Variants in CDYL2 observed in about 807,000 individuals in gnomAD.
CDYL2 encodes the protein chromodomain Y-like protein 2.
In CDYL2, 23 loss-of-function variants were observed where a neutral mutation model predicts 49.4. That is an observed-to-expected ratio of 0.47 (90% CI 0.34 to 0.66). The LOEUF is 0.66. Among genes scored for constraint, CDYL2 ranks in the 30% least tolerant of loss-of-function variants. The probability of loss-of-function intolerance (pLI) is 0.01; values close to 1 mark genes in which losing one functional copy is unlikely to be tolerated. For synonymous variants in CDYL2, 360 were observed against 268.8 expected (o/e 1.34, Z -3.32); for missense variants, 678 against 656.4 (o/e 1.03, Z -0.36).
intron 4 of CDYL2, among the ~76,000 whole-genome samples, chr16:80,620,332 C>T (rs1460947589): frequency 6.6e-6 from 1 of 152,210 alleles, no homozygotes; most frequent in Non-Finnish European, 1.5e-5. Flanking sequence ...CATCAACCTC[C>T]CCACTGCTGA....
chr16:80,648,063 A>T (rs1908427032), intron 2 of CDYL2, among the ~76,000 whole-genome samples: 1 of 152,288 alleles, frequency 6.6e-6, no homozygotes, highest in Non-Finnish European at 1.5e-5. Context: ...AAAAAGAAGA[A>T]AAACTTCAAA....
At chr16:80,757,395 T>C (rs999709682) in intron 1 of CDYL2, among the ~76,000 whole-genome samples, 2 of 151,768 alleles carry the variant, frequency 1.3e-5, no homozygotes, top group Admixed American at 6.6e-5. Context: ...TAAAAATTAG[T>C]TGTGTGTAGC....
At position 80,652,328 on chromosome 16, in the gene CDYL2, C is replaced by A. The variant is rs117351082; in HGVS notation, c.617-19092G>T. Among the ~76,000 whole-genome samples the A allele has an allele frequency of 6.6e-3, 1,011 of 152,224 alleles. 18 individuals carry two copies. The highest frequency in any genetic ancestry group is 0.038 in the East Asian group (196 of 5,184). The stretch of plus-strand genomic sequence containing the variant: ...GAGTATGTCAAAAGGACACACGAGC[C>A]ACCTAAAAGAGCTGTTAATGGCCAA... On this transcript the variant is annotated intron_variant, in intron 2 of 6. Coordinates refer to ENST00000570137, the MANE Select transcript of CDYL2 (RefSeq NM_152342.4).
chr16:80,756,440 G>A (rs1906313270), intron 1 of CDYL2, among the ~76,000 whole-genome samples: 1 of 151,894 alleles, frequency 6.6e-6, no homozygotes, highest in Non-Finnish European at 1.5e-5. Context: ...AAAAATGAGA[G>A]GAAATTATTT....
At chr16:80,655,563 G>A (rs551632705) in intron 2 of CDYL2, among the ~76,000 whole-genome samples, 65 of 152,280 alleles carry the variant, frequency 4.3e-4, no homozygotes, top group African/African-American at 1.5e-3. Flanking sequence ...CAACAGGGTG[G>A]AGAAGCACCC....
intron 2 of CDYL2, among the ~76,000 whole-genome samples, chr16:80,683,148 C>G (rs112177582): frequency 6.6e-6 from 1 of 152,208 alleles, no homozygotes; most frequent in Non-Finnish European, 1.5e-5. Context: ...TCTAACCATT[C>G]CCCCTGCATC....
At chr16:80,731,109 T>C (rs1905311571) in intron 1 of CDYL2, among the ~76,000 whole-genome samples, 1 of 152,206 alleles carries the variant, frequency 6.6e-6, no homozygotes, top group Non-Finnish European at 1.5e-5. Flanking sequence ...TTGTTGTACA[T>C]AAATTATACT....
chr16:80,714,466 G>A (rs993854777), intron 1 of CDYL2, among the ~76,000 whole-genome samples: 18 of 152,102 alleles, frequency 1.2e-4, no homozygotes, highest in African/African-American at 3.9e-4. Flanking sequence ...ATTACTATAT[G>A]TCAACTAAAA....
intron 1 of CDYL2, among the ~76,000 whole-genome samples, chr16:80,730,104 A>G (rs1905277473): frequency 6.6e-6 from 1 of 152,232 alleles, no homozygotes; most frequent in Admixed American, 6.5e-5. Context: ...CTAAGATCAG[A>G]GCAGAACTGA....
intron 3 of CDYL2, among the ~76,000 whole-genome samples, chr16:80,621,425 G>C (rs1488240689): frequency 6.6e-6 from 1 of 151,264 alleles, no homozygotes; most frequent in African/African-American, 2.5e-5. Flanking sequence ...ATGGCAAGTG[G>C]GCTTTGGCAT....
intron 2 of CDYL2, among the ~76,000 whole-genome samples, chr16:80,657,735 T>C (rs766763564): frequency 6.6e-5 from 10 of 152,218 alleles, no homozygotes; most frequent in African/African-American, 2.4e-4. Context: ...GGGAAGAAAT[T>C]TGGCAGTATC....
chr16:80,614,777 T>C (rs923298225), intron 4 of CDYL2, among the ~76,000 whole-genome samples: 3 of 150,228 alleles, frequency 2.0e-5, no homozygotes, highest in African/African-American at 7.4e-5. Flanking sequence ...GGCAGGAGGA[T>C]TGCATGAACC....
chr16:80,612,619 G>A lies in CDYL2; in HGVS notation c.1218+7C>T. ...GGACCCGAATCCAGGTATCACAGGA[G>A]GCTTACCAGCGCGACGCCCAGGATC... is the stretch of plus-strand genomic sequence containing the variant. On this transcript the variant is annotated splice_region_variant and intron_variant, in intron 5 of 6. Transcript: ENST00000570137. The surrounding 1 kb of genome is among the most constrained non-coding windows in gnomAD (Gnocchi z 5.0). The A allele has an allele frequency of 1.3e-6, 2 of 1,599,128 alleles. No individual in the cohort carries two copies. Among genetic ancestry groups the A allele is most frequent in the Non-Finnish European group, 1.7e-6 (2 of 1,172,584 alleles).
chr16:80,613,942 C>G (rs1250363987), intron 4 of CDYL2, among the ~76,000 whole-genome samples: 2 of 152,214 alleles, frequency 1.3e-5, no homozygotes, highest in Non-Finnish European at 2.9e-5. Context: ...CCCCTGCTCA[C>G]TGTGCATGAG....
At position 80,616,339 on chromosome 16, in the gene CDYL2, C is replaced by T. The variant is rs761099546; in HGVS notation, c.1008-3503G>A. 4.0e-4 allele frequency among the ~76,000 whole-genome samples: 61 copies of T among 152,146 alleles called. 1 individual carries two copies. Among genetic ancestry groups the T allele is most frequent in the Admixed American group, 1.3e-4 (2 of 15,274 alleles). On this transcript the variant is annotated intron_variant, in intron 4 of 6. Coordinates refer to ENST00000570137, the MANE Select transcript of CDYL2 (RefSeq NM_152342.4). ...CCAGTGCTGACATGCAGGGAGCACG[C>T]GATCCCTGCTGCTATTATTATGGGT...
intron 1 of CDYL2, among the ~76,000 whole-genome samples, chr16:80,703,553 T>G (rs572942675): frequency 6.6e-6 from 1 of 152,232 alleles, no homozygotes; most frequent in Admixed American, 6.5e-5. Flanking sequence ...ACTCTGCCCT[T>G]ACAGCAGGTA....
chr16:80,726,634 T>A (rs1905171117), intron 1 of CDYL2, among the ~76,000 whole-genome samples: 1 of 152,224 alleles, frequency 6.6e-6, no homozygotes, highest in Non-Finnish European at 1.5e-5. Flanking sequence ...CATTCAGATC[T>A]TGGTTCTAAT....
chr16:80,761,853 G>C (rs1382886333), intron 1 of CDYL2, among the ~76,000 whole-genome samples: 2 of 147,474 alleles, frequency 1.4e-5, no homozygotes, highest in African/African-American at 5.0e-5. Flanking sequence ...AATAACATGT[G>C]AATGTTCAAT....
intron 1 of CDYL2, among the ~76,000 whole-genome samples, chr16:80,689,429 A>T (rs1440851176): frequency 6.6e-6 from 1 of 152,244 alleles, no homozygotes; most frequent in Non-Finnish European, 1.5e-5. Context: ...TTCCAGCTGG[A>T]CATCATTCTC....
Sources: gnomAD v4.1 joint callset for allele counts (sites outside exome capture counted in the v4.1 genomes callset) on GRCh38, gnomAD v4.1.1 for gene constraint, Gnocchi (gnomAD v3.1) non-coding constraint, MANE v1.5 for transcripts, NCBI Gene and HGNC (gene_info 2026-07-23, HGNC 2026-07-21) for gene names.